The following SIAH1 variants were observed in gnomAD, a reference collection of about 807,000 sequenced individuals.
The protein encoded by SIAH1 is siah E3 ubiquitin protein ligase 1, also known as E3 ubiquitin-protein ligase SIAH1.
A neutral mutation model predicts 20.0 loss-of-function variants in SIAH1; 2 were observed. The ratio of observed to expected loss-of-function variants is 0.10; its 90% CI spans 0.04 to 0.31. The LOEUF is 0.31. Ranked by LOEUF, SIAH1 falls within the 10% of genes least tolerant of loss-of-function variation. The pLI is 1.00. For synonymous variants in SIAH1, 118 were observed against 125.3 expected (o/e 0.94, Z 0.39); for missense variants, 119 against 355.3 (o/e 0.33, Z 5.35).
chr16:48,364,642 CAT>C (rs1960755541), intron 1 of SIAH1, among the ~76,000 whole-genome samples: 1 of 152,216 alleles, frequency 6.6e-6, no homozygotes, highest in Admixed American at 6.5e-5. Flanking sequence ...ATTCTTTGTA[CAT>C]ATGACATCCA....
In SIAH1 at chr16:48,370,037, T is replaced by G. The variant is rs189376813; in HGVS notation, c.-2-7607A>C. ...TCTTCTCTAAGAACTAAGTAAGCTA[T>G]GCCCACTGTCTTCTGCTATTCAATG... On this transcript the variant is annotated intron_variant, in intron 1 of 1. Transcript: ENST00000394725. Among the ~76,000 whole-genome samples the G allele has an allele frequency of 5.3e-5, 8 of 152,378 alleles. No homozygotes were observed. In the East Asian group the frequency reaches 1.5e-3, roughly 29 times the overall value.
chr16:48,384,923 G>T (rs1961405707), intron 1 of SIAH1, among the ~76,000 whole-genome samples: 1 of 145,208 alleles, frequency 6.9e-6, no homozygotes, highest in Non-Finnish European at 1.5e-5. Flanking sequence ...CCCGCCCTCG[G>T]CCCGGCCGCG....
At chr16:48,366,292 G>A (rs1014596666) in intron 1 of SIAH1, among the ~76,000 whole-genome samples, 1 of 152,220 alleles carries the variant, frequency 6.6e-6, no homozygotes, top group Non-Finnish European at 1.5e-5. Context: ...CAGGTTTATC[G>A]TGCGAACTCT....
intron 1 of SIAH1, chr16:48,365,654 C>A: frequency 1.4e-6 from 2 of 1,432,080 alleles, no homozygotes; most frequent in Non-Finnish European, 1.8e-6. Flanking sequence ...CTTTCCATCC[C>A]CAGGAGGCAA....
rs983902353 is a variant in SIAH1 at position 48,385,332 on chromosome 16, G to A, written c.-131C>T. 5 of 174,840 alleles carry A rather than the reference G, an allele frequency of 2.9e-5. No homozygotes were observed. The highest frequency in any genetic ancestry group is 6.2e-5 in the Non-Finnish European group (5 of 81,144). The allele number at this position is 174,840 out of a possible 1,614,324, so 10.8% of individuals were successfully genotyped here. A position where few individuals can be genotyped will look rare whatever the true frequency, so the allele number is the denominator to read the frequency against. On this transcript the variant is annotated 5_prime_UTR_variant, in exon 1 of 2. Transcript: ENST00000394725. ...GACCGACGGGACACCCTGGGCCGCC[G>A]CCGCCTCTCGAGAGCGCGCCCCGCA...
upstream of SIAH1, among the ~76,000 whole-genome samples, chr16:48,386,582 A>G (rs1411899172): frequency 6.6e-6 from 1 of 152,242 alleles, no homozygotes; most frequent in Admixed American, 6.5e-5. Flanking sequence ...GATAAAGTTT[A>G]TATGTGCAAA....
intron 1 of SIAH1, among the ~76,000 whole-genome samples, chr16:48,380,445 T>C (rs922711524): frequency 6.6e-6 from 1 of 151,034 alleles, no homozygotes; most frequent in Non-Finnish European, 1.5e-5. Flanking sequence ...AGTAAGACTC[T>C]GTCTCCAAAA....
chr16:48,372,006 T>TACACACAC (rs113043573), intron 1 of SIAH1, among the ~76,000 whole-genome samples: 1 of 150,972 alleles, frequency 6.6e-6, no homozygotes, highest in Non-Finnish European at 1.5e-5. Flanking sequence ...TAAGTATGTA[T>TACACACAC]ACACACACAC....
chr16:48,362,579 TA>T lies in SIAH1; in HGVS notation c.-2-150del, dbSNP rs916392859. 258 of 749,498 alleles carry T rather than the reference TA, an allele frequency of 3.4e-4. No individual in the cohort carries two copies. The highest frequency in any genetic ancestry group is 5.0e-4 in the Non-Finnish European group (231 of 462,898). The allele number at this position is 749,498 out of a possible 1,614,324, so 46.4% of individuals were successfully genotyped here. A position where few individuals can be genotyped will look rare whatever the true frequency, so the allele number is the denominator to read the frequency against. Reference sequence around the variant, plus strand: ...AGAAAAATAGGATTAAAAAAGATATTAAAAAAATAAAATTACACTGAATGTG... The same window carrying T: ...AGAAAAATAGGATTAAAAAAGATATTAAAAAATAAAATTACACTGAATGTG... On this transcript the variant is annotated intron_variant, in intron 1 of 1. Transcript: ENST00000394725. This position sits in a 1 kb window ranked among gnomAD's most constrained non-coding sequence, Gnocchi z 4.2.
upstream of SIAH1, among the ~76,000 whole-genome samples, chr16:48,386,493 C>T (rs141112968): frequency 8.5e-3 from 1,298 of 152,118 alleles, 24 homozygotes; most frequent in African/African-American, 0.03. Flanking sequence ...GACAACAGAG[C>T]GAGACTCTGT....
At chr16:48,383,881 G>A (rs1961361126) in intron 1 of SIAH1, among the ~76,000 whole-genome samples, 1 of 152,204 alleles carries the variant, frequency 6.6e-6, no homozygotes, top group Admixed American at 6.5e-5. Context: ...AACCTCGTAA[G>A]TTTAGCTATT....
At chr16:48,365,802 C>A in intron 1 of SIAH1, 1 of 1,280,530 alleles carries the variant, frequency 7.8e-7, no homozygotes, top group East Asian at 2.9e-5. Flanking sequence ...GGGTCCTGCC[C>A]AGCTCCAGTG....
chr16:48,364,251 T>C (rs1960740658), intron 1 of SIAH1, among the ~76,000 whole-genome samples: 1 of 152,158 alleles, frequency 6.6e-6, no homozygotes, highest in Non-Finnish European at 1.5e-5. Flanking sequence ...CTAATCCATA[T>C]TACAAAATTA....
chr16:48,374,227 T>C (rs1961048273), intron 1 of SIAH1, among the ~76,000 whole-genome samples: 1 of 152,204 alleles, frequency 6.6e-6, no homozygotes, highest in South Asian at 2.1e-4. Flanking sequence ...CTGGCTCAAT[T>C]ATGTATCCCA....
intron 1 of SIAH1, among the ~76,000 whole-genome samples, chr16:48,370,593 C>T (rs947882285): frequency 2.0e-5 from 3 of 151,496 alleles, no homozygotes; most frequent in East Asian, 3.9e-4. Context: ...CTGAGGTGGG[C>T]GGATCATGAG....
rs1045531472 is a variant in SIAH1 at position 48,381,206 on chromosome 16, G to A, written c.-3+3998C>T. Among the ~76,000 whole-genome samples the A allele has an allele frequency of 1.9e-4, 29 of 152,062 alleles. 1 individual carries two copies. The highest frequency in any genetic ancestry group is 6.2e-4 in the South Asian group (3 of 4,826). On this transcript the variant is annotated intron_variant, in intron 1 of 1. Coordinates refer to ENST00000394725, the MANE Select transcript of SIAH1 (RefSeq NM_003031.4). ...CTAAAAATCCAAAAATTAGCTGGGC[G>A]TCATGGCAGGCGCCTGTAATCCCAG... is the stretch of plus-strand genomic sequence containing the variant.
At chr16:48,372,470 TAA>T (rs1961009844) in intron 1 of SIAH1, among the ~76,000 whole-genome samples, 3 of 152,206 alleles carry the variant, frequency 2.0e-5, no homozygotes, top group Middle Eastern at 3.2e-3. Flanking sequence ...TTTAATAGTC[TAA>T]AAAACAGTAT....
At chr16:48,366,494 T>TA (rs886935467) in intron 1 of SIAH1, among the ~76,000 whole-genome samples, 2 of 152,232 alleles carry the variant, frequency 1.3e-5, no homozygotes, top group African/African-American at 4.8e-5. Context: ...ATTAAACTCC[T>TA]ACTTAAACCT....
upstream of SIAH1, among the ~76,000 whole-genome samples, chr16:48,385,856 G>A (rs1450660866): frequency 2.0e-5 from 3 of 152,114 alleles, no homozygotes; most frequent in Non-Finnish European, 4.4e-5. Context: ...TTAGCCCAGC[G>A]CCTCCACGGA....
Sources: gnomAD v4.1 joint callset for allele counts (sites outside exome capture counted in the v4.1 genomes callset) on GRCh38, gnomAD v4.1.1 for gene constraint, Gnocchi (gnomAD v3.1) non-coding constraint, MANE v1.5 for transcripts, NCBI Gene and HGNC (gene_info 2026-07-23, HGNC 2026-07-21) for gene names.